The following HMBOX1 variants were observed in gnomAD, a reference collection of about 807,000 sequenced individuals.
The protein encoded by HMBOX1 is homeobox containing 1, also known as homeobox-containing protein 1.
In HMBOX1, 14 loss-of-function variants were observed where a neutral mutation model predicts 54.5. The observed-to-expected ratio is 0.26, with a 90% CI of 0.17 to 0.40. The LOEUF (loss-of-function observed/expected upper bound fraction) is 0.40. HMBOX1 is among the 10% of genes least tolerant of loss of function. The pLI is 1.00. For missense variants in HMBOX1, 332 were observed against 514.4 expected, an observed-to-expected ratio of 0.65 and a Z score of 3.43; for synonymous variants, 160 against 181.0, an observed-to-expected ratio of 0.88 and a Z score of 0.93.
chr8:29,017,475 C>T (rs759986066), intron 5 of HMBOX1, among the ~76,000 whole-genome samples: 15 of 152,098 alleles, frequency 9.9e-5, no homozygotes, highest in East Asian at 1.9e-4. Flanking sequence ...ATGATGCTGA[C>T]GTGTTCTAAA....
intron 1 of HMBOX1, among the ~76,000 whole-genome samples, chr8:28,904,920 C>G (rs556860061): frequency 6.6e-6 from 1 of 152,250 alleles, no homozygotes; most frequent in South Asian, 2.1e-4. Context: ...CGTGATCCAC[C>G]CTCCTTGGCC....
Position 28,951,278 on chromosome 8 carries a change from G to T in HMBOX1, c.-57-12533G>T, listed in dbSNP as rs185503162. Among the ~76,000 whole-genome samples, 527 of 152,178 alleles carry T rather than the reference G, an allele frequency of 3.5e-3. 1 individual carries two copies. Among genetic ancestry groups the T allele is most frequent in the Middle Eastern group, 0.01 (3 of 294 alleles). ...CTCCCAAGTAGCTGGAACTACAGGCGCATGCCACTACGCCCAGCTAATTTT... is the reference window on the plus strand; with the variant it reads ...CTCCCAAGTAGCTGGAACTACAGGCTCATGCCACTACGCCCAGCTAATTTT... On this transcript the variant is annotated intron_variant, in intron 1 of 9. Transcript: ENST00000287701.
intron 1 of HMBOX1, among the ~76,000 whole-genome samples, chr8:28,944,927 C>T (rs367888348): frequency 6.6e-6 from 1 of 152,040 alleles, no homozygotes; most frequent in Admixed American, 6.6e-5. Context: ...AAGCCTCATC[C>T]AAGCAGTTCT....
chr8:29,010,795 C>A (rs1026329946), intron 5 of HMBOX1, among the ~76,000 whole-genome samples: 1 of 152,020 alleles, frequency 6.6e-6, no homozygotes, highest in Admixed American at 6.6e-5. Flanking sequence ...GTAGCTCTTT[C>A]TTTAGTATCT....
intron 3 of HMBOX1, among the ~76,000 whole-genome samples, chr8:28,975,531 G>A (rs1489267986): frequency 6.6e-6 from 1 of 152,060 alleles, no homozygotes; most frequent in Non-Finnish European, 1.5e-5. Flanking sequence ...TGGGAAGGAA[G>A]AATTTCATCC....
At chr8:28,951,064 T>C (rs1420146709) in intron 1 of HMBOX1, among the ~76,000 whole-genome samples, 1 of 152,242 alleles carries the variant, frequency 6.6e-6, no homozygotes, top group Non-Finnish European at 1.5e-5. Context: ...AAGAATGTGA[T>C]GTTTTAACCT....
intron 4 of HMBOX1, among the ~76,000 whole-genome samples, chr8:28,995,103 G>C (rs761531866): frequency 5.3e-5 from 8 of 152,074 alleles, no homozygotes; most frequent in Non-Finnish European, 8.8e-5. Flanking sequence ...GAAAATGGTG[G>C]GAATTCTTGT....
intron 1 of HMBOX1, among the ~76,000 whole-genome samples, chr8:28,907,304 T>C (rs1207952744): frequency 6.6e-6 from 1 of 152,220 alleles, no homozygotes; most frequent in African/African-American, 2.4e-5. Context: ...AAGATGTTCT[T>C]GTCTAAAGTC....
chr8:28,928,129 G>A (rs565799958), intron 1 of HMBOX1, among the ~76,000 whole-genome samples: 163 of 149,850 alleles, frequency 1.1e-3, no homozygotes, highest in Non-Finnish European at 1.9e-3. Context: ...TCAAGACTCC[G>A]TCTCAAAAAA....
chr8:28,979,728 T>C (rs1829036024), intron 3 of HMBOX1, among the ~76,000 whole-genome samples: 1 of 152,248 alleles, frequency 6.6e-6, no homozygotes, highest in African/African-American at 2.4e-5. Flanking sequence ...CTGTGTAAGA[T>C]ATATTCATTC....
At chr8:28,921,031 A>T (rs1047873110) in intron 1 of HMBOX1, among the ~76,000 whole-genome samples, 1 of 152,248 alleles carries the variant, frequency 6.6e-6, no homozygotes, top group African/African-American at 2.4e-5. Flanking sequence ...TTTCATAAGC[A>T]TTTAAAATCA....
intron 1 of HMBOX1, among the ~76,000 whole-genome samples, chr8:28,898,106 A>T (rs1812516079): frequency 6.6e-6 from 1 of 152,368 alleles, no homozygotes; most frequent in Non-Finnish European, 1.5e-5. Flanking sequence ...ATTACAGACA[A>T]CAACGGAAGT....
At chr8:28,908,626 A>G (rs927129679) in intron 1 of HMBOX1, among the ~76,000 whole-genome samples, 3 of 152,104 alleles carry the variant, frequency 2.0e-5, no homozygotes, top group African/African-American at 7.2e-5. Flanking sequence ...ATGGTGGCGC[A>G]TGCCTGTAAT....
intron 4 of HMBOX1, 62 bp from the exon 5 acceptor site, chr8:29,009,010 A>T: frequency 1.5e-6 from 2 of 1,321,334 alleles, no homozygotes; most frequent in Non-Finnish European, 2.2e-6. Flanking sequence ...GAACCAAAAG[A>T]TCCTTTATTA....
intron 9 of HMBOX1, 34 bp from the exon 10 acceptor site, chr8:29,050,984 C>T (rs375388431): frequency 4.5e-5 from 72 of 1,596,598 alleles, no homozygotes; most frequent in Middle Eastern, 3.4e-4. Context: ...TTCTTCCAAT[C>T]CACTAATAAC....
intron 4 of HMBOX1, among the ~76,000 whole-genome samples, chr8:29,002,029 G>C (rs1350028970): frequency 1.3e-5 from 2 of 152,188 alleles, no homozygotes; most frequent in African/African-American, 4.8e-5. Context: ...TTAGCATCTT[G>C]TAACATAAGC....
chr8:29,006,474 A>C (rs1833472800), intron 4 of HMBOX1, among the ~76,000 whole-genome samples: 3 of 152,200 alleles, frequency 2.0e-5, no homozygotes, highest in Non-Finnish European at 4.4e-5. Context: ...CAGCTCTAGC[A>C]GTTATCATCT....
At chr8:28,905,165 A>G (rs1814041810) in intron 1 of HMBOX1, among the ~76,000 whole-genome samples, 1 of 152,200 alleles carries the variant, frequency 6.6e-6, no homozygotes, top group South Asian at 2.1e-4. Flanking sequence ...TTGGTTGATT[A>G]TGATGGTTGG....
chr8:28,963,688 GATATA>G, intron 1 of HMBOX1, 118 bp from the exon 2 acceptor site: 2 of 492,580 alleles, frequency 4.1e-6, no homozygotes, highest in Non-Finnish European at 3.6e-6. Context: ...CAAATCAGAA[GATATA>G]ATATTTAACA....
Sources: allele counts gnomAD v4.1 joint callset (sites outside exome capture counted in the v4.1 genomes callset), GRCh38; gene constraint gnomAD v4.1.1; transcripts MANE v1.5; gene names NCBI Gene and HGNC (gene_info 2026-07-23, HGNC 2026-07-21).